Variants in PKNOX2 observed in about 807,000 individuals in gnomAD.
The protein encoded by PKNOX2 is PBX/knotted 1 homeobox 2.
PKNOX2 carries 14 observed loss-of-function variants against 53.1 expected under a neutral mutation model. The ratio of observed to expected loss-of-function variants is 0.26; its 90% CI spans 0.17 to 0.41. PKNOX2 has a LOEUF of 0.41. PKNOX2 is among the 10% of genes least tolerant of loss of function. PKNOX2 has a pLI of 1.00. For synonymous variants in PKNOX2, 257 were observed against 242.8 expected, an observed-to-expected ratio of 1.06 and a Z score of -0.54; for missense variants, 496 against 602.8, an observed-to-expected ratio of 0.82 and a Z score of 1.85.
chr11:125,172,834 G>A (rs1955428482), intron 1 of PKNOX2, among the ~76,000 whole-genome samples: 2 of 152,222 alleles, frequency 1.3e-5, no homozygotes, highest in Admixed American at 6.5e-5. Context: ...CTTAAGGACA[G>A]TGGGGGCCTA....
At chr11:125,428,105 C>T (rs1956515102) in intron 10 of PKNOX2, among the ~76,000 whole-genome samples, 1 of 152,092 alleles carries the variant, frequency 6.6e-6, no homozygotes, top group Non-Finnish European at 1.5e-5. Flanking sequence ...ATTTGTATGT[C>T]ATTTGTATGT....
At chr11:125,217,330 C>A (rs1001816186) in intron 1 of PKNOX2, among the ~76,000 whole-genome samples, 1 of 152,178 alleles carries the variant, frequency 6.6e-6, no homozygotes, top group African/African-American at 2.4e-5. Context: ...GACCAGCTCT[C>A]ACTCCATGTA....
chr11:125,372,973 C>T (rs1952635513), intron 5 of PKNOX2, among the ~76,000 whole-genome samples: 1 of 152,204 alleles, frequency 6.6e-6, no homozygotes, highest in Admixed American at 6.5e-5. Flanking sequence ...TGGCAGAATC[C>T]ACAGTTGTGT....
At chr11:125,408,397 C>A (rs1023390796) in intron 7 of PKNOX2, among the ~76,000 whole-genome samples, 2 of 152,232 alleles carry the variant, frequency 1.3e-5, no homozygotes, top group South Asian at 2.1e-4. Context: ...AGAGCTGCCC[C>A]CTCTGTTCCC....
chr11:125,169,585 G>T (rs552852563), intron 1 of PKNOX2, among the ~76,000 whole-genome samples: 7 of 152,264 alleles, frequency 4.6e-5, no homozygotes, highest in African/African-American at 1.7e-4. Context: ...ACTCCAGTGG[G>T]TCATCTAGCT....
intron 1 of PKNOX2, among the ~76,000 whole-genome samples, chr11:125,227,655 C>T (rs1941821385): frequency 6.6e-6 from 1 of 152,214 alleles, no homozygotes; most frequent in South Asian, 2.1e-4. Context: ...GGGTTGCTCC[C>T]ACTTTTGGCT....
intron 5 of PKNOX2, among the ~76,000 whole-genome samples, chr11:125,372,053 T>C (rs1224407072): frequency 6.6e-6 from 1 of 152,194 alleles, no homozygotes; most frequent in African/African-American, 2.4e-5. Context: ...GCACCTTACA[T>C]GATACCTTAG....
intron 2 of PKNOX2, among the ~76,000 whole-genome samples, chr11:125,320,472 C>T (rs926775984): frequency 3.9e-5 from 6 of 152,042 alleles, no homozygotes; most frequent in Non-Finnish European, 8.8e-5. Flanking sequence ...GCAGAGGAGC[C>T]AGAGATGCAG....
At chr11:125,267,969 G>C (rs1412519533) in intron 2 of PKNOX2, among the ~76,000 whole-genome samples, 1 of 152,174 alleles carries the variant, frequency 6.6e-6, no homozygotes, top group Non-Finnish European at 1.5e-5. Context: ...GAAGAAGGGG[G>C]AAAATGCCAC....
chr11:125,349,522 C>T (rs965310946), intron 3 of PKNOX2, among the ~76,000 whole-genome samples: 2 of 152,276 alleles, frequency 1.3e-5, no homozygotes, highest in East Asian at 1.9e-4. Flanking sequence ...GTGAGGCCGA[C>T]GGAACCGGCC....
chr11:125,225,250 C>G (rs971029551), intron 1 of PKNOX2, among the ~76,000 whole-genome samples: 5 of 152,194 alleles, frequency 3.3e-5, no homozygotes, highest in Admixed American at 3.3e-4. Flanking sequence ...ACTCCCTAGT[C>G]AACTGGTTGT....
intron 2 of PKNOX2, among the ~76,000 whole-genome samples, chr11:125,273,415 C>A (rs1228561587): frequency 6.6e-6 from 1 of 152,118 alleles, no homozygotes. Flanking sequence ...CAGGAGGAGG[C>A]GGGTCAGAGC....
intron 5 of PKNOX2, among the ~76,000 whole-genome samples, chr11:125,378,784 T>A (rs939625209): frequency 1.3e-5 from 2 of 152,096 alleles, no homozygotes; most frequent in African/African-American, 2.4e-5. Flanking sequence ...AGCATTCACA[T>A]CTCCCCTTGC....
chr11:125,364,018 T>C (rs1952057638), intron 4 of PKNOX2, among the ~76,000 whole-genome samples: 1 of 152,182 alleles, frequency 6.6e-6, no homozygotes. Context: ...ACAAGGCAGT[T>C]TCAGCCCACT....
At chr11:125,357,043 C>A (rs1337606954) in intron 4 of PKNOX2, among the ~76,000 whole-genome samples, 2 of 152,246 alleles carry the variant, frequency 1.3e-5, no homozygotes, top group Non-Finnish European at 2.9e-5. Flanking sequence ...TGAAAGTTCC[C>A]CTAAGCCTTT....
chr11:125,180,842 G>A (rs1956119806), intron 1 of PKNOX2, among the ~76,000 whole-genome samples: 1 of 152,158 alleles, frequency 6.6e-6, no homozygotes, highest in South Asian at 2.1e-4. Flanking sequence ...CTGACAGGCA[G>A]ACATACTTCT....
chr11:125,206,210 G>A (rs624747), intron 1 of PKNOX2, among the ~76,000 whole-genome samples: 1 of 151,620 alleles, frequency 6.6e-6, no homozygotes, highest in East Asian at 1.9e-4. Flanking sequence ...AACCGAGAAG[G>A]AAACTTCAAG....
chr11:125,184,910 C>A (rs910013182), intron 1 of PKNOX2, among the ~76,000 whole-genome samples: 1 of 152,168 alleles, frequency 6.6e-6, no homozygotes, highest in African/African-American at 2.4e-5. Context: ...AGAAAGACAT[C>A]ATGATGGGTA....
rs545839101 is a variant in PKNOX2, at chr11:125,376,429, G to A, written c.227+8444G>A. Among the ~76,000 whole-genome samples the A allele has an allele frequency of 9.9e-5, 15 of 152,280 alleles. No individual in the cohort carries two copies. In the South Asian group the frequency reaches 1.0e-3, roughly 11 times the overall value. ...TCTGGTGCTTTCAAGGGGAGGAGAA[G>A]CAGAGGGCTGGACAAGCACCTTCCT... On this transcript the variant is annotated intron_variant, in intron 5 of 12. Coordinates refer to ENST00000298282, the MANE Select transcript of PKNOX2 (RefSeq NM_001382323.2).
Sources: allele counts gnomAD v4.1 joint callset (sites outside exome capture counted in the v4.1 genomes callset), GRCh38; gene constraint gnomAD v4.1.1; transcripts MANE v1.5; gene names NCBI Gene and HGNC (gene_info 2026-07-23, HGNC 2026-07-21).